The following SIPA1L3 variants were observed in gnomAD, a reference collection of about 807,000 sequenced individuals.
SIPA1L3 encodes signal induced proliferation associated 1 like 3.
Under a neutral mutation model 150.1 loss-of-function variants are expected in SIPA1L3, and 59 were observed. The ratio of observed to expected loss-of-function variants is 0.39; its 90% CI spans 0.32 to 0.49. SIPA1L3 has a LOEUF of 0.49. Among genes scored for constraint, SIPA1L3 ranks in the 20% least tolerant of loss-of-function variants. SIPA1L3 has a pLI of 0.86. For synonymous variants in SIPA1L3, 1,070 were observed against 1,077.6 expected (o/e 0.99, Z 0.14); for missense variants, 2,211 against 2,489.5 (o/e 0.89, Z 2.38).
chr19:37,993,715 T>A (rs705501), intron 1 of SIPA1L3, among the ~76,000 whole-genome samples: 112,613 of 151,286 alleles, frequency 0.74, 42,161 homozygotes, highest in East Asian at 0.97. Context: ...CCTGAAAAAG[T>A]GTGTGAAGGA....
intron 2 of SIPA1L3, among the ~76,000 whole-genome samples, chr19:38,077,238 C>T (rs913239170): frequency 2.6e-5 from 4 of 151,990 alleles, no homozygotes. Context: ...ATCACTTGAG[C>T]CCAGGAGTTT....
chr19:37,933,037 A>C (rs1366904541), intron 1 of SIPA1L3, among the ~76,000 whole-genome samples: 1 of 152,116 alleles, frequency 6.6e-6, no homozygotes, highest in African/African-American at 2.4e-5. Flanking sequence ...TCTGGGCCTC[A>C]GTTTCCTCTT....
intron 1 of SIPA1L3, among the ~76,000 whole-genome samples, chr19:37,941,393 T>C (rs1463796770): frequency 1.3e-5 from 2 of 152,122 alleles, no homozygotes; most frequent in Non-Finnish European, 2.9e-5. Flanking sequence ...TTTTGAACTT[T>C]TGTTTGCCTT....
In SIPA1L3 at chr19:37,967,547, C is replaced by T. The variant is rs374381895; in HGVS notation, c.-379+60189C>T. Among the ~76,000 whole-genome samples the T allele has an allele frequency of 2.8e-4, 42 of 152,120 alleles. 1 individual carries two copies. The South Asian group carries it at 6.2e-3, about 23-fold the overall frequency. ...GATTACAGGCGTGAGCCACCGCACCCGGCTGGAAATTTCCCCTTCTTATAA... is the reference window on the plus strand; with the variant it reads ...GATTACAGGCGTGAGCCACCGCACCTGGCTGGAAATTTCCCCTTCTTATAA... On this transcript the variant is annotated intron_variant, in intron 1 of 21. Coordinates refer to ENST00000222345, the MANE Select transcript of SIPA1L3 (RefSeq NM_015073.3).
chr19:37,955,117 C>T (rs1374041359), intron 1 of SIPA1L3, among the ~76,000 whole-genome samples: 2 of 143,248 alleles, frequency 1.4e-5, no homozygotes, highest in African/African-American at 5.3e-5. Context: ...AAAGGCCAGG[C>T]ATGGTGGCTC....
chr19:37,993,352 A>G (rs1479282642), intron 1 of SIPA1L3, among the ~76,000 whole-genome samples: 2 of 151,902 alleles, frequency 1.3e-5, no homozygotes, highest in Non-Finnish European at 2.9e-5. Context: ...TATTTTTGAG[A>G]TGGAGTTTCA....
At position 38,082,097 on chromosome 19, in the gene SIPA1L3, G is replaced by A. The variant is rs377070862; in HGVS notation, c.532G>A (p.Glu178Lys). 1.9e-6 allele frequency: 3 copies of A among 1,610,418 alleles called. No homozygotes were observed. The highest frequency in any genetic ancestry group is 1.1e-5 in the South Asian group (1 of 91,052). The change falls in exon 3 of 22, where the codon GAG (glutamate) becomes AAG (lysine). Residue 178 changes from glutamate to lysine, a missense_variant. Physicochemically the swap from Glu to Lys is moderately conservative, Grantham distance 56. Coordinates refer to ENST00000222345, the MANE Select transcript of SIPA1L3 (RefSeq NM_015073.3). ...HRSSSEITLSECDAEDAGEPR... is the reference protein window; with the variant it reads ...HRSSSEITLSKCDAEDAGEPR... ...CAGCAGCAGCGAGATCACCCTCAGC[G>A]AGTGTGACGCGGAGGACGCGGGGGA... is the stretch of plus-strand genomic sequence containing the variant.
At chr19:38,044,097 G>T (rs1335855797) in intron 2 of SIPA1L3, among the ~76,000 whole-genome samples, 2 of 152,150 alleles carry the variant, frequency 1.3e-5, no homozygotes. Context: ...GAGAAAGAGA[G>T]GGGGCTAGGA....
chr19:38,085,996 C>T (rs538207910), intron 3 of SIPA1L3, among the ~76,000 whole-genome samples: 1 of 151,612 alleles, frequency 6.6e-6, no homozygotes, highest in Admixed American at 6.6e-5. Flanking sequence ...ACTCTGTCCC[C>T]TCAACCAAAA....
chr19:38,084,859 C>T (rs931996080), intron 3 of SIPA1L3, among the ~76,000 whole-genome samples: 29 of 151,838 alleles, frequency 1.9e-4, no homozygotes, highest in African/African-American at 6.8e-4. Context: ...AGGCTGGTCT[C>T]GAACTCCTGA....
At chr19:37,975,403 ATC>A (rs1384138807) in intron 1 of SIPA1L3, among the ~76,000 whole-genome samples, 1 of 152,016 alleles carries the variant, frequency 6.6e-6, no homozygotes, top group Non-Finnish European at 1.5e-5. Context: ...CCCTAGACAC[ATC>A]ACCCCAGTCC....
chr19:38,024,634 A>T (rs1968458990), intron 1 of SIPA1L3, among the ~76,000 whole-genome samples: 2 of 152,146 alleles, frequency 1.3e-5, no homozygotes, highest in South Asian at 4.2e-4. Flanking sequence ...GTCAGACTAG[A>T]TCAAAGCATT....
Position 38,101,067 on chromosome 19 carries a change from A to C in SIPA1L3, c.1870A>C (p.Lys624Gln), listed in dbSNP as rs779812501. The change falls in exon 6 of 22, where the codon AAG becomes CAG. Residue 624 changes from lysine (K) to glutamine (Q), a missense_variant. This residue lies in a region of SIPA1L3 where 625 missense variants were observed against 804.2 expected (regional missense o/e 0.78). Transcript: ENST00000222345. ...GCCTCTGCAGCTCTGCCGGAAGCAC[A>C]AGGTGGGCATCCTCTATTGCAAGGC... ...LDEQGLCRKHKVGILYCKAGQ... is the reference protein window; with the variant it reads ...LDEQGLCRKHQVGILYCKAGQ... 4 of 1,568,914 alleles carry C rather than the reference A, an allele frequency of 2.5e-6. 1 individual carries two copies. The South Asian group carries it at 4.7e-5, about 18-fold the overall frequency.
intron 16 of SIPA1L3, among the ~76,000 whole-genome samples, chr19:38,187,287 A>C (rs1452634246): frequency 1.3e-5 from 2 of 151,812 alleles, no homozygotes. Context: ...CCCCATCTCT[A>C]CTAAAAATAC....
At position 38,047,702 on chromosome 19, in the gene SIPA1L3, C is replaced by T. The variant is rs558751566; in HGVS notation, c.-311+18546C>T. On this transcript the variant is annotated intron_variant, in intron 2 of 21. Coordinates refer to ENST00000222345, the MANE Select transcript of SIPA1L3 (RefSeq NM_015073.3). The surrounding 1 kb of genome is among the most constrained non-coding windows in gnomAD (Gnocchi z 4.7). ...ACTGGTATCTTTCCCTTGATGCTGA[C>T]GGAGGGATGTGACACCGCAGCCAGC... is the stretch of plus-strand genomic sequence containing the variant. Among the ~76,000 whole-genome samples, 12 of 152,266 alleles carry T rather than the reference C, an allele frequency of 7.9e-5. No homozygotes were observed. Among genetic ancestry groups the T allele is most frequent in the African/African-American group, 2.2e-4 (9 of 41,544 alleles).
chr19:38,112,005 G>GCA (rs1056062352), intron 8 of SIPA1L3, among the ~76,000 whole-genome samples: 4 of 132,968 alleles, frequency 3.0e-5, no homozygotes, highest in African/African-American at 1.2e-4. Context: ...CTGCACACAG[G>GCA]CACACACATG....
intron 2 of SIPA1L3, among the ~76,000 whole-genome samples, chr19:38,079,940 G>C (rs1197419059): frequency 6.6e-6 from 1 of 152,164 alleles, no homozygotes; most frequent in African/African-American, 2.4e-5. Context: ...TCCTGGATAA[G>C]GTTTGGTGCA....
intron 1 of SIPA1L3, among the ~76,000 whole-genome samples, chr19:37,980,224 G>A (rs1371195628): frequency 1.3e-5 from 2 of 152,144 alleles, no homozygotes; most frequent in African/African-American, 2.4e-5. Flanking sequence ...TCCTCTCCCT[G>A]CCCACCTTGT....
chr19:37,980,705 G>A (rs965600051), intron 1 of SIPA1L3, among the ~76,000 whole-genome samples: 12 of 152,214 alleles, frequency 7.9e-5, no homozygotes, highest in African/African-American at 2.9e-4. Flanking sequence ...TCACCCGGGT[G>A]TGGGGTTCTG....
Sources: allele counts gnomAD v4.1 joint callset (sites outside exome capture counted in the v4.1 genomes callset), GRCh38; gene constraint gnomAD v4.1.1; regional missense constraint gnomAD v4.1.1; non-coding constraint Gnocchi (gnomAD v3.1); transcripts MANE v1.5; gene names NCBI Gene and HGNC (gene_info 2026-07-23, HGNC 2026-07-21).